Variants in IL15 observed in about 807,000 individuals in gnomAD.
IL15 encodes the protein interleukin-15.
IL15 carries 11 observed loss-of-function variants against 19.6 expected under a neutral mutation model. The observed-to-expected ratio is 0.56, with a 90% CI of 0.35 to 0.93. IL15 has a LOEUF of 0.93. Ranked by LOEUF, IL15 falls within the 40% of genes least tolerant of loss-of-function variation. IL15 has a pLI of 0.01. For synonymous variants in IL15, 58 were observed against 59.6 expected (o/e 0.97, Z 0.12); for missense variants, 197 against 186.5 (o/e 1.06, Z -0.33).
chr4:141,661,748 C>T (rs143603444), intron 2 of IL15, among the ~76,000 whole-genome samples: 253 of 152,268 alleles, frequency 1.7e-3, no homozygotes, highest in African/African-American at 5.3e-3. Flanking sequence ...ATGGCGAGCT[C>T]TGTTGCACTC....
chr4:141,660,660 T>C (rs1360365693), intron 2 of IL15, among the ~76,000 whole-genome samples: 1 of 152,196 alleles, frequency 6.6e-6, no homozygotes, highest in Non-Finnish European at 1.5e-5. Flanking sequence ...ATTGTGACAT[T>C]TCTCTGTGAC....
At chr4:141,692,378 A>G (rs924950062) in intron 2 of IL15, among the ~76,000 whole-genome samples, 3 of 152,244 alleles carry the variant, frequency 2.0e-5, no homozygotes, top group Non-Finnish European at 4.4e-5. Flanking sequence ...TTACTTAGGC[A>G]AATTTCTGCA....
At chr4:141,652,786 T>G (rs952094411) in intron 1 of IL15, among the ~76,000 whole-genome samples, 1 of 152,154 alleles carries the variant, frequency 6.6e-6, no homozygotes, top group African/African-American at 2.4e-5. Flanking sequence ...GTTCCTAGAT[T>G]TTTAAATTTA....
At chr4:141,729,559 G>A (rs926507760) in intron 6 of IL15, among the ~76,000 whole-genome samples, 3 of 152,070 alleles carry the variant, frequency 2.0e-5, no homozygotes, top group Non-Finnish European at 2.9e-5. Context: ...CCTTTCCACA[G>A]GGGAAATGTG....
chr4:141,679,895 G>A (rs1728476473), intron 2 of IL15, among the ~76,000 whole-genome samples: 1 of 152,218 alleles, frequency 6.6e-6, no homozygotes, highest in African/African-American at 2.4e-5. Flanking sequence ...TGGAGGATGA[G>A]CTATAACTTC....
Position 141,668,335 on chromosome 4 carries a change from GGC to G in IL15, c.-100+12029_-100+12030del, listed in dbSNP as rs1422957930. On this transcript the variant is annotated intron_variant, in intron 2 of 7. Coordinates refer to ENST00000320650, the MANE Select transcript of IL15 (RefSeq NM_000585.5). ...GGGTTCAGCTTCCTTTATGCCACTTGGCCACTGCCTCTTCAGTGCAAGCCTCT... is the reference window on the plus strand; with the variant it reads ...GGGTTCAGCTTCCTTTATGCCACTTGCACTGCCTCTTCAGTGCAAGCCTCT... Among the ~76,000 whole-genome samples the G allele has an allele frequency of 6.6e-5, 10 of 152,286 alleles. No individual in the cohort carries two copies. In the East Asian group the frequency reaches 1.9e-3, roughly 29 times the overall value.
chr4:141,689,323 G>C (rs931267618), intron 2 of IL15, among the ~76,000 whole-genome samples: 1 of 152,176 alleles, frequency 6.6e-6, no homozygotes, highest in Non-Finnish European at 1.5e-5. Flanking sequence ...CTGATTGGTA[G>C]AGCTGAGTGG....
chr4:141,726,454 G>A (rs1399094691), intron 5 of IL15, among the ~76,000 whole-genome samples: 1 of 152,136 alleles, frequency 6.6e-6, no homozygotes, highest in Admixed American at 6.5e-5. Flanking sequence ...TGATAATGCT[G>A]GCAAGGATGT....
At position 141,691,593 on chromosome 4, in the gene IL15, C is replaced by T. The variant is rs573364421; in HGVS notation, c.-99-27773C>T. 4.6e-5 allele frequency among the ~76,000 whole-genome samples: 7 copies of T among 152,198 alleles called. No individual in the cohort carries two copies. In the South Asian group the frequency reaches 1.2e-3, roughly 27 times the overall value. On this transcript the variant is annotated intron_variant, in intron 2 of 7. Coordinates refer to ENST00000320650, the MANE Select transcript of IL15 (RefSeq NM_000585.5). ...TCCAAATGGGAGAATTTGGACAAAA[C>T]GAAGGGGCCACAGGTTCCATGCAAG... is the stretch of plus-strand genomic sequence containing the variant.
chr4:141,641,819 A>C (rs975469122), intron 1 of IL15, among the ~76,000 whole-genome samples: 4 of 151,610 alleles, frequency 2.6e-5, no homozygotes, highest in Admixed American at 1.3e-4. Context: ...GTGCACATGT[A>C]CCCTAGAACT....
intron 2 of IL15, among the ~76,000 whole-genome samples, chr4:141,667,773 T>G (rs1380909882): frequency 6.6e-6 from 1 of 152,188 alleles, no homozygotes; most frequent in Non-Finnish European, 1.5e-5. Context: ...CGGGGTGTAT[T>G]TATTTTTTTC....
chr4:141,675,167 T>C (rs1288532796), intron 2 of IL15, among the ~76,000 whole-genome samples: 1 of 151,078 alleles, frequency 6.6e-6, no homozygotes, highest in Non-Finnish European at 1.5e-5. Flanking sequence ...AAAAACCAGA[T>C]GAACAGTGTA....
intron 2 of IL15, among the ~76,000 whole-genome samples, chr4:141,687,590 C>T (rs1190946742): frequency 6.6e-6 from 1 of 152,196 alleles, no homozygotes; most frequent in Non-Finnish European, 1.5e-5. Flanking sequence ...GGTAAAGCTG[C>T]TTCTGACTTG....
At chr4:141,719,738 A>G (rs1730011107) in intron 3 of IL15, among the ~76,000 whole-genome samples, 1 of 152,100 alleles carries the variant, frequency 6.6e-6, no homozygotes, top group South Asian at 2.1e-4. Flanking sequence ...ATGTCTTTGT[A>G]CTCACTAAAT....
chr4:141,682,758 C>T (rs1437102555), intron 2 of IL15, among the ~76,000 whole-genome samples: 2 of 151,938 alleles, frequency 1.3e-5, no homozygotes, highest in Admixed American at 6.6e-5. Flanking sequence ...AGTTGGAGAC[C>T]GTCCTGGCTA....
intron 2 of IL15, among the ~76,000 whole-genome samples, chr4:141,706,779 A>G (rs1002270540): frequency 6.6e-5 from 10 of 151,686 alleles, no homozygotes; most frequent in African/African-American, 2.4e-4. Flanking sequence ...AAAATCTGAT[A>G]GTCTAATAGA....
intron 2 of IL15, among the ~76,000 whole-genome samples, chr4:141,671,077 C>G (rs556296928): frequency 6.6e-6 from 1 of 152,134 alleles, no homozygotes; most frequent in South Asian, 2.1e-4. Context: ...ATTCACCCAT[C>G]ATTTCATGTA....
intron 2 of IL15, among the ~76,000 whole-genome samples, chr4:141,683,571 TAAA>T (rs566487149): frequency 2.5e-5 from 3 of 120,898 alleles, no homozygotes; most frequent in Non-Finnish European, 3.5e-5. Context: ...ATTCCGTCTC[TAAA>T]AAAAAAAAAA....
At chr4:141,710,491 T>G (rs1160903335) in intron 2 of IL15, among the ~76,000 whole-genome samples, 1 of 152,176 alleles carries the variant, frequency 6.6e-6, no homozygotes, top group Non-Finnish European at 1.5e-5. Flanking sequence ...TCTTATAAAC[T>G]CATTTTAAAA....
Sources: gnomAD v4.1 joint callset for allele counts (sites outside exome capture counted in the v4.1 genomes callset) on GRCh38, gnomAD v4.1.1 for gene constraint, MANE v1.5 for transcripts, NCBI Gene and HGNC (gene_info 2026-07-23, HGNC 2026-07-21) for gene names.